PDE11A: variants seen among roughly 807,000 people sequenced by gnomAD.
PDE11A encodes phosphodiesterase 11A, also known as dual 3',5'-cyclic-AMP and -GMP phosphodiesterase 11A.
A neutral mutation model predicts 100.5 loss-of-function variants in PDE11A; 100 were observed. The observed-to-expected ratio is 1.00, with a 90% CI of 0.85 to 1.18. The LOEUF (loss-of-function observed/expected upper bound fraction) is 1.18, where lower values mean the gene tolerates loss of function less well. PDE11A is among the 50% of genes most tolerant of loss of function. The pLI, the probability that PDE11A is intolerant of heterozygous loss-of-function variation, is 0.00. For missense variants in PDE11A, 1,141 were observed against 1,152.6 expected (o/e 0.99, Z 0.15); for synonymous variants, 381 against 420.8 (o/e 0.91, Z 1.16).
Position 178,105,036 on chromosome 2 carries a change from C to T in PDE11A, c.-13-560G>A, listed in dbSNP as rs189736572. 1.4e-3 allele frequency among the ~76,000 whole-genome samples: 207 copies of T among 152,284 alleles called. 1 individual carries two copies. Among genetic ancestry groups the T allele is most frequent in the Non-Finnish European group, 1.0e-3 (70 of 68,032 alleles). On this transcript the variant is annotated intron_variant, in intron 1 of 20. Coordinates refer to the PDE11A transcript ENST00000358450. ...GTAACATAATTTCTCATTTACTTTA[C>T]ATTCTTAGCTATAGATACCAGATTA...
chr2:177,670,822 C>T (rs1479808118), intron 17 of PDE11A, among the ~76,000 whole-genome samples: 2 of 151,998 alleles, frequency 1.3e-5, no homozygotes, highest in African/African-American at 4.8e-5. Context: ...AATCAAATAT[C>T]CAGTAAGTTC....
At chr2:178,061,047 A>T (rs1199903768) in intron 1 of PDE11A, among the ~76,000 whole-genome samples, 6 of 149,802 alleles carry the variant, frequency 4.0e-5, no homozygotes. Context: ...GGGTTCAAAC[A>T]ATTCTCCTGC....
At chr2:178,073,599 C>T (rs529070395), upstream of PDE11A, among the ~76,000 whole-genome samples, 1 of 152,090 alleles carries the variant, frequency 6.6e-6, no homozygotes. Context: ...AGAAAAAAAA[C>T]AACGTTTAGC....
intron 19 of PDE11A, among the ~76,000 whole-genome samples, chr2:177,631,065 T>A (rs936417803): frequency 1.3e-5 from 2 of 152,000 alleles, no homozygotes; most frequent in Non-Finnish European, 2.9e-5. Context: ...ATGGAGATAA[T>A]TTATAATCTC....
chr2:178,065,803 G>A (rs1364047243), intron 1 of PDE11A, among the ~76,000 whole-genome samples: 1 of 151,962 alleles, frequency 6.6e-6, no homozygotes, highest in Admixed American at 6.6e-5. Context: ...TGGCTCATCA[G>A]GGAACGAAGC....
chr2:177,887,209 T>G (rs564330550), intron 4 of PDE11A, among the ~76,000 whole-genome samples: 1 of 151,988 alleles, frequency 6.6e-6, no homozygotes, highest in East Asian at 1.9e-4. Context: ...ACAAAAACAC[T>G]CTCCCATCCA....
In PDE11A at chr2:177,715,569, C is replaced by A. The variant is rs531038530; in HGVS notation, c.2044-3691G>T. Among the ~76,000 whole-genome samples, 3 of 150,170 alleles carry A rather than the reference C, an allele frequency of 2.0e-5. No homozygotes were observed. The East Asian group carries it at 5.8e-4, about 29-fold the overall frequency. On this transcript the variant is annotated intron_variant, in intron 12 of 19. Transcript: ENST00000286063. Reference sequence around the variant, plus strand: ...ATACTGGACTTCTGGTACTGATTTTCTTATCTCCTCTTTTCTGTTTCCTAT... The same window carrying A: ...ATACTGGACTTCTGGTACTGATTTTATTATCTCCTCTTTTCTGTTTCCTAT...
At chr2:177,643,456 T>C (rs1284128233) in intron 19 of PDE11A, among the ~76,000 whole-genome samples, 5 of 152,056 alleles carry the variant, frequency 3.3e-5, no homozygotes, top group Admixed American at 2.6e-4. Flanking sequence ...ACTTTGAACT[T>C]GAGAGAGATG....
intron 2 of PDE11A, chr2:178,092,431 T>C (rs6433712): frequency 0.87 from 131,774 of 152,168 alleles, 57,644 homozygotes; most frequent in Non-Finnish European, 0.92. Flanking sequence ...TGATCAAAAA[T>C]GATCAAATAT....
chr2:178,064,793 TA>T (rs903464557), intron 1 of PDE11A, among the ~76,000 whole-genome samples: 4 of 151,460 alleles, frequency 2.6e-5, no homozygotes, highest in East Asian at 1.9e-4. Context: ...ATCTTGTCTC[TA>T]AAAAAAAGAA....
chr2:177,984,997 C>T (rs1467170107), intron 2 of PDE11A, among the ~76,000 whole-genome samples: 1 of 152,198 alleles, frequency 6.6e-6, no homozygotes. Context: ...TGTTATTATA[C>T]CACCCAGCAG....
intron 2 of PDE11A, among the ~76,000 whole-genome samples, chr2:178,090,862 G>A (rs1398337651): frequency 2.6e-5 from 4 of 151,696 alleles, no homozygotes; most frequent in South Asian, 2.1e-4. Context: ...GCCCTCCCTG[G>A]GCCCCCACAG....
At chr2:177,968,075 C>G (rs1355703266) in intron 2 of PDE11A, among the ~76,000 whole-genome samples, 3 of 152,182 alleles carry the variant, frequency 2.0e-5, no homozygotes, top group African/African-American at 7.2e-5. Flanking sequence ...CTCACACCCT[C>G]TCAGCTGGGA....
chr2:177,699,496 T>C (rs986636171), intron 14 of PDE11A, among the ~76,000 whole-genome samples: 7 of 152,212 alleles, frequency 4.6e-5, no homozygotes, highest in African/African-American at 1.7e-4. Context: ...AATCAGTTTA[T>C]TGTTTATATG....
upstream of PDE11A, among the ~76,000 whole-genome samples, chr2:178,073,712 T>C (rs1265490416): frequency 6.6e-6 from 1 of 152,218 alleles, no homozygotes; most frequent in African/African-American, 2.4e-5. Context: ...CTTTACTGAA[T>C]GTAGCTATGT....
intron 9 of PDE11A, among the ~76,000 whole-genome samples, chr2:177,785,077 A>C (rs56760518): frequency 0.16 from 24,628 of 152,184 alleles, 2,197 homozygotes; most frequent in East Asian, 0.32. Flanking sequence ...GTCTTTGAGC[A>C]TAGGGGCTTT....
intron 2 of PDE11A, among the ~76,000 whole-genome samples, chr2:178,103,676 T>TAA (rs2087585842): frequency 1.3e-5 from 2 of 151,688 alleles, no homozygotes; most frequent in Non-Finnish European, 2.9e-5. Flanking sequence ...TATATATATA[T>TAA]AATCTCAAAA....
chr2:178,095,610 C>T (rs1383806972), intron 2 of PDE11A, among the ~76,000 whole-genome samples: 1 of 152,220 alleles, frequency 6.6e-6, no homozygotes, highest in Non-Finnish European at 1.5e-5. Context: ...AGGCAATGCC[C>T]CAGTAGGGAC....
intron 2 of PDE11A, among the ~76,000 whole-genome samples, chr2:177,935,842 C>T (rs1040313728): frequency 6.6e-6 from 1 of 152,130 alleles, no homozygotes; most frequent in Admixed American, 6.5e-5. Flanking sequence ...GATCTTAGCC[C>T]CAGCTCCCTA....
Sources: gnomAD v4.1 joint callset for allele counts (sites outside exome capture counted in the v4.1 genomes callset) on GRCh38, gnomAD v4.1.1 for gene constraint, MANE v1.5 for transcripts, NCBI Gene and HGNC (gene_info 2026-07-23, HGNC 2026-07-21) for gene names.